Variants in POT1 observed in about 807,000 individuals in gnomAD.
POT1 encodes protection of telomeres protein 1.
In POT1, 47 loss-of-function variants were observed where a neutral mutation model predicts 78.5. The ratio of observed to expected loss-of-function variants is 0.60; its 90% confidence interval spans 0.47 to 0.76. The LOEUF (loss-of-function observed/expected upper bound fraction) is 0.76. POT1 is among the 30% of genes least tolerant of loss of function. The probability of loss-of-function intolerance (pLI) is 0.00; values close to 1 mark genes in which losing one functional copy is unlikely to be tolerated. For synonymous variants in POT1, 259 were observed against 260.7 expected (o/e 0.99, Z 0.06); for missense variants, 646 against 749.9 (o/e 0.86, Z 1.62).
Position 124,846,979 on chromosome 7 carries a change from T to A in POT1, c.969A>T (p.Leu323Phe), listed in dbSNP as rs1166926609. The change falls in exon 12 of 19, where the codon TTA becomes TTT. Residue 323 changes from leucine (L) to phenylalanine (F), a missense_variant. By Grantham distance (22) the Leu-to-Phe change is conservative. Transcript: ENST00000357628. The stretch of plus-strand genomic sequence containing the variant: ...GCTGTTGACATCTTTCTACCTCGTA[T>A]AATGATACTGATCCAGAGCCTATAA... ...DSFPSSGSVS[L>F]YEVERCQQLS... The A allele has an allele frequency of 6.2e-7, 1 of 1,606,022 alleles. No homozygotes were observed.
rs1180350504 is a variant in POT1, at chr7:124,840,991, A to G, written c.1351T>C (p.Cys451Arg). The G allele has an allele frequency of 1.1e-5, 18 of 1,605,494 alleles. No individual in the cohort carries two copies. Among genetic ancestry groups the G allele is most frequent in the Non-Finnish European group, 1.4e-5 (17 of 1,173,210 alleles). The change falls in exon 14 of 19, where the codon TGT becomes CGT. Residue 451 changes from cysteine (C) to arginine (R), a missense_variant. This residue lies in a region of POT1 where 394 missense variants were observed against 408.4 expected (regional missense o/e 0.96). Transcript: ENST00000357628. ...NNGILPLSNECLLLIEGGTLS... is the reference protein window; with the variant it reads ...NNGILPLSNERLLLIEGGTLS... ...ATCTTACCTTCTATCAAAAGTAGAC[A>G]TTCATTTGAAAGCGGGAGAATACCA... is the stretch of plus-strand genomic sequence containing the variant.
intron 7 of POT1, among the ~76,000 whole-genome samples, chr7:124,866,142 C>T (rs916461533): frequency 5.9e-5 from 9 of 152,038 alleles, no homozygotes; most frequent in South Asian, 2.1e-4. Context: ...TAGGGTGATA[C>T]GTGGAAAGCC....
chr7:124,846,941 C>A lies in POT1; in HGVS notation c.1006+1G>T. On this transcript the variant is annotated splice_donor_variant, in intron 12 of 18. Transcript: ENST00000357628. LOFTEE classifies it high-confidence loss of function. Reference sequence around the variant, plus strand: ...ATCTCAAAAATGATACATAGTCTTACTTGTAGCAGATAGCTGTTGACATCT... The same window carrying A: ...ATCTCAAAAATGATACATAGTCTTAATTGTAGCAGATAGCTGTTGACATCT... The A allele has an allele frequency of 6.3e-7, 1 of 1,589,978 alleles. No homozygotes were observed. The highest frequency in any genetic ancestry group is 8.6e-7 in the Non-Finnish European group (1 of 1,158,424).
intron 18 of POT1, 22 bp from the exon 19 acceptor site, chr7:124,824,096 A>C: frequency 6.8e-7 from 1 of 1,470,120 alleles, no homozygotes; most frequent in Non-Finnish European, 9.4e-7. Flanking sequence ...AAAACAAAAA[A>C]AGCGATTTAA....
intron 3 of POT1, chr7:124,900,704 C>A: frequency 4.5e-6 from 1 of 220,768 alleles, no homozygotes. Context: ...CAGGGCATCG[C>A]CTCACTGGGG....
intron 6 of POT1, among the ~76,000 whole-genome samples, chr7:124,881,894 C>T (rs1456503757): frequency 6.6e-6 from 1 of 151,904 alleles, no homozygotes; most frequent in African/African-American, 2.4e-5. Context: ...TATCTTTAAA[C>T]CATTGATAAA....
At chr7:124,860,630 G>C (rs2116532286) in intron 8 of POT1, among the ~76,000 whole-genome samples, 1 of 152,036 alleles carries the variant, frequency 6.6e-6, no homozygotes, top group African/African-American at 2.4e-5. Flanking sequence ...AATTTTGCTT[G>C]AAGTTTTGGG....
chr7:124,835,422 G>C lies in POT1; in HGVS notation c.1370-8C>G, dbSNP rs760977808. On this transcript the variant is annotated splice_region_variant and splice_polypyrimidine_tract_variant and intron_variant, in intron 14 of 18. Coordinates refer to ENST00000357628, the MANE Select transcript of POT1 (RefSeq NM_015450.3). ...TTTCACTGAGTGTACCTCCTGTTAAGAGAATAAATAAATCCTTCAAGTAGT... is the reference window on the plus strand; with the variant it reads ...TTTCACTGAGTGTACCTCCTGTTAACAGAATAAATAAATCCTTCAAGTAGT... 1 of 1,608,934 alleles carries C rather than the reference G, an allele frequency of 6.2e-7. No homozygotes were observed. The highest frequency in any genetic ancestry group is 8.5e-7 in the Non-Finnish European group (1 of 1,175,508).
intron 14 of POT1, among the ~76,000 whole-genome samples, chr7:124,836,185 T>C (rs774701592): frequency 6.6e-6 from 1 of 152,162 alleles, no homozygotes; most frequent in Non-Finnish European, 1.5e-5. Flanking sequence ...AGTAAGAATA[T>C]TGGCAAAAAC....
chr7:124,822,983 A>T lies in POT1; in HGVS notation c.*979T>A, dbSNP rs1794541596. On this transcript the variant is annotated 3_prime_UTR_variant, in exon 19 of 19. Transcript: ENST00000357628. ...TCTGTTCCAGAATCCTTGAGTGGTT[A>T]ACAGTACAGGCTCTGAATAGAGATT... 6.1e-6 allele frequency: 1 copy of T among 164,632 alleles called. No individual in the cohort carries two copies. Among genetic ancestry groups the T allele is most frequent in the Non-Finnish European group, 1.3e-5 (1 of 74,212 alleles). The allele number at this position is 164,632 out of a possible 1,614,324, so 10.2% of individuals were successfully genotyped here.
At chr7:124,826,379 C>T (rs1286838776) in intron 17 of POT1, among the ~76,000 whole-genome samples, 1 of 152,132 alleles carries the variant, frequency 6.6e-6, no homozygotes, top group Non-Finnish European at 1.5e-5. Context: ...TAATCTGTAA[C>T]TGTCAGTATA....
In POT1 at chr7:124,836,119, A is replaced by G. The variant is rs556955403; in HGVS notation, c.1370-705T>C. 2.0e-5 allele frequency among the ~76,000 whole-genome samples: 3 copies of G among 152,338 alleles called. No individual in the cohort carries two copies. The South Asian group carries it at 6.2e-4, about 32-fold the overall frequency. On this transcript the variant is annotated intron_variant, in intron 14 of 18. Coordinates refer to ENST00000357628, the MANE Select transcript of POT1 (RefSeq NM_015450.3). ...TGTCAACATTCAATTATAAAGGAGAAGCACTTCTGGTATAGCAGAGTGAGG... is the reference window on the plus strand; with the variant it reads ...TGTCAACATTCAATTATAAAGGAGAGGCACTTCTGGTATAGCAGAGTGAGG...
At position 124,911,312 on chromosome 7, in the gene POT1, C is replaced by T. The variant is rs141427237; in HGVS notation, c.-154+4262G>A. 3.8e-3 allele frequency among the ~76,000 whole-genome samples: 571 copies of T among 152,154 alleles called. 2 individuals are homozygous for T. The highest frequency in any genetic ancestry group is 0.013 in the African/African-American group (557 of 41,542). ...GGAGCAATTAATTCCTATCTGACAT[C>T]GCCTCAAGCAGGCATGATTGTGTGT... is the stretch of plus-strand genomic sequence containing the variant. On this transcript the variant is annotated intron_variant, in intron 3 of 18. Coordinates refer to ENST00000357628, the MANE Select transcript of POT1 (RefSeq NM_015450.3).
chr7:124,827,103 T>A, intron 17 of POT1, 111 bp downstream of exon 17: 1 of 474,292 alleles, frequency 2.1e-6, no homozygotes. Flanking sequence ...TTACTTATAT[T>A]TTTAAGGTGC....
rs753907475 is a variant in POT1 at position 124,897,189 on chromosome 7, A to C, written c.-16T>G. 6.9e-7 allele frequency: 1 copy of C among 1,449,816 alleles called. No individual in the cohort carries two copies. Among genetic ancestry groups the C allele is most frequent in the Non-Finnish European group, 9.6e-7 (1 of 1,046,458 alleles). The allele number at this position is 1,449,816 out of a possible 1,614,324, so 89.8% of individuals were successfully genotyped here. A position where few individuals can be genotyped will look rare whatever the true frequency, so the allele number is the denominator to read the frequency against. ...CCAAAGACATTGATTCTGTAGAAAAATCTCTTAAAGATTTGACATAAACCT... is the reference window on the plus strand; with the variant it reads ...CCAAAGACATTGATTCTGTAGAAAACTCTCTTAAAGATTTGACATAAACCT... On this transcript the variant is annotated 5_prime_UTR_variant, in exon 5 of 19. Transcript: ENST00000357628.
intron 9 of POT1, chr7:124,853,392 G>A: frequency 3.7e-6 from 1 of 273,482 alleles, no homozygotes; most frequent in Non-Finnish European, 6.8e-6. Flanking sequence ...ACATTCAACT[G>A]TAAGAGATAT....
At chr7:124,848,171 CGTTTATGT>C (rs1229988437) in intron 11 of POT1, among the ~76,000 whole-genome samples, 3 of 152,010 alleles carry the variant, frequency 2.0e-5, no homozygotes, top group Non-Finnish European at 1.5e-5. Context: ...TTGGGTTACA[CGTTTATGT>C]ATTAGTCAAA....
chr7:124,919,269 C>CAT (rs775957520), intron 2 of POT1, among the ~76,000 whole-genome samples: 8 of 152,106 alleles, frequency 5.3e-5, no homozygotes, highest in African/African-American at 9.7e-5. Flanking sequence ...GGACCACCAT[C>CAT]ATATATATGC....
At chr7:124,866,224 GA>G (rs1196810185) in intron 7 of POT1, among the ~76,000 whole-genome samples, 1 of 142,258 alleles carries the variant, frequency 7.0e-6, no homozygotes, top group Non-Finnish European at 1.5e-5. Context: ...CTTCTCCGTA[GA>G]ACTTGTTTCA....
Sources: gnomAD v4.1 joint callset for allele counts (sites outside exome capture counted in the v4.1 genomes callset) on GRCh38, gnomAD v4.1.1 for gene constraint, gnomAD v4.1.1 regional missense constraint, MANE v1.5 for transcripts, NCBI Gene and HGNC (gene_info 2026-07-23, HGNC 2026-07-21) for gene names.